MAX: variants seen among roughly 807,000 people sequenced by gnomAD.
MAX encodes protein max.
MAX carries 3 observed loss-of-function variants against 22.3 expected under a neutral mutation model. The ratio of observed to expected loss-of-function variants is 0.13; its 90% CI spans 0.06 to 0.35. The LOEUF (loss-of-function observed/expected upper bound fraction) is 0.35. Among genes scored for constraint, MAX ranks in the 10% least tolerant of loss-of-function variants. The pLI is 1.00. For missense variants in MAX, 119 were observed against 209.4 expected (o/e 0.57, Z 2.66); for synonymous variants, 72 against 77.7 (o/e 0.93, Z 0.39).
Position 65,102,490 on chromosome 14 carries a change from C to T in MAX, c.-151G>A, listed in dbSNP as rs1444608526. On this transcript the variant is annotated 5_prime_UTR_variant, in exon 1 of 5. In the 5' UTR this introduces an upstream ATG that the reference lacks. Coordinates refer to ENST00000358664, the MANE Select transcript of MAX (RefSeq NM_002382.5). ...TCGCTCTCTCACTCACACACACACA[C>T]AACACGGGCAAGAACCACCTCCTCA... 2.7e-6 allele frequency: 4 copies of T among 1,493,906 alleles called. No individual in the cohort carries two copies. The African/African-American group carries it at 4.1e-5, about 15-fold the overall frequency. The allele number at this position is 1,493,906 out of a possible 1,614,324, so 92.5% of individuals were successfully genotyped here. A position where few individuals can be genotyped will look rare whatever the true frequency, so the allele number is the denominator to read the frequency against.
intron 3 of MAX, among the ~76,000 whole-genome samples, chr14:65,068,022 CA>C (rs1466494147): frequency 6.6e-6 from 1 of 152,128 alleles, no homozygotes; most frequent in Non-Finnish European, 1.5e-5. Context: ...CCTGCTTCAT[CA>C]TGTTTATGCT....
chr14:65,075,808 C>T lies in MAX; in HGVS notation c.*668G>A, dbSNP rs2139733116. On this transcript the variant is annotated 3_prime_UTR_variant, in exon 5 of 5. Transcript: ENST00000358664. This position sits in a 1 kb window ranked among gnomAD's most constrained non-coding sequence, Gnocchi z 4.1. ...GTCACACGGCCCTCCGTGAGGCTGG[C>T]GCCGCAGGCTTAAACAGCTGGCTGA... 2 of 1,066,520 alleles carry T rather than the reference C, an allele frequency of 1.9e-6. No individual in the cohort carries two copies. Among genetic ancestry groups the T allele is most frequent in the Non-Finnish European group, 2.3e-6 (2 of 880,004 alleles). The allele number at this position is 1,066,520 out of a possible 1,614,324, so 66.1% of individuals were successfully genotyped here.
chr14:65,052,508 C>T (rs533946080), intron 3 of MAX, among the ~76,000 whole-genome samples: 42 of 152,318 alleles, frequency 2.8e-4, no homozygotes, highest in Admixed American at 7.2e-4. Context: ...TGTTTCTGCA[C>T]ACCTGTCCGT....
At chr14:65,037,402 C>CTTTTTTTTTTT (rs765037575) in intron 3 of MAX, among the ~76,000 whole-genome samples, 32 of 14,522 alleles carry the variant, frequency 2.2e-3, no homozygotes, top group Non-Finnish European at 3.2e-3. Flanking sequence ...CACGCCGGGC[C>CTTTTTTTTTTT]CTTTTTTTTT....
At chr14:65,059,304 G>A (rs10146165) in intron 3 of MAX, among the ~76,000 whole-genome samples, 34,720 of 151,216 alleles carry the variant, frequency 0.23, 7,257 homozygotes, top group African/African-American at 0.56. Context: ...ATAGGTGTGA[G>A]CCATTGTACC....
At chr14:65,038,817 T>TTCTAA (rs1428529446) in intron 3 of MAX, among the ~76,000 whole-genome samples, 1 of 152,246 alleles carries the variant, frequency 6.6e-6, no homozygotes, top group Non-Finnish European at 1.5e-5. Context: ...AGTATTTATC[T>TTCTAA]TCTAATCCTC....
chr14:65,077,754 C>A lies in MAX; in HGVS notation c.295+159G>T. 2 of 1,611,236 alleles carry A rather than the reference C, an allele frequency of 1.2e-6. No homozygotes were observed. Among genetic ancestry groups the A allele is most frequent in the Non-Finnish European group, 1.7e-6 (2 of 1,179,140 alleles). The stretch of plus-strand genomic sequence containing the variant: ...TGGCGCCTCAGGTCCTTCCTCAGGA[C>A]GGCTCTAACACTCAGTTACTCAGGC... On this transcript the variant is annotated intron_variant, in intron 4 of 4. Transcript: ENST00000358664. The surrounding 1 kb of genome is among the most constrained non-coding windows in gnomAD (Gnocchi z 6.3).
downstream of MAX, among the ~76,000 whole-genome samples, chr14:65,073,760 C>G (rs2063012153): frequency 6.6e-6 from 1 of 152,182 alleles, no homozygotes; most frequent in South Asian, 2.1e-4. Flanking sequence ...TTCAGCTGAG[C>G]AGTTTCCAGG....
In MAX at chr14:65,089,718, A is replaced by G. The variant is rs1366767188; in HGVS notation, c.171+3990T>C. 2.9e-5 allele frequency among the ~76,000 whole-genome samples: 4 copies of G among 139,012 alleles called. No individual in the cohort carries two copies. In the East Asian group the frequency reaches 8.8e-4, roughly 31 times the overall value. 91.2% of individuals were successfully genotyped at this position (139,012 alleles called of 152,430 possible). On this transcript the variant is annotated intron_variant, in intron 3 of 4. Coordinates refer to ENST00000358664, the MANE Select transcript of MAX (RefSeq NM_002382.5). ...AACACTCCCTAGTACCCAAGCAAGG[A>G]CACTTAAATAATACTTTCTATAAAA...
chr14:65,087,631 G>A (rs542989613), intron 3 of MAX, among the ~76,000 whole-genome samples: 3 of 152,280 alleles, frequency 2.0e-5, no homozygotes, highest in Non-Finnish European at 4.4e-5. Flanking sequence ...TTTATCCAAT[G>A]CCTGTACCCC....
At chr14:65,063,530 T>C (rs2062899406) in intron 3 of MAX, among the ~76,000 whole-genome samples, 1 of 152,092 alleles carries the variant, frequency 6.6e-6, no homozygotes, top group African/African-American at 2.4e-5. Context: ...TCCAGAGGGT[T>C]TCCTGACAGC....
At chr14:65,046,723 T>A (rs1429171752) in intron 3 of MAX, among the ~76,000 whole-genome samples, 1 of 152,054 alleles carries the variant, frequency 6.6e-6, no homozygotes, top group East Asian at 1.9e-4. Flanking sequence ...GGGGATGCAG[T>A]GTAGAAAGAT....
chr14:65,075,747 T>C lies in MAX; in HGVS notation c.*729A>G, dbSNP rs985876075. ...ATGGCCACTCCCTGGTGGCTGCTGC[T>C]TCACTGCTGCCATCTCCCATACATA... On this transcript the variant is annotated 3_prime_UTR_variant, in exon 5 of 5. Coordinates refer to ENST00000358664, the MANE Select transcript of MAX (RefSeq NM_002382.5). This position sits in a 1 kb window ranked among gnomAD's most constrained non-coding sequence, Gnocchi z 4.1. The C allele has an allele frequency of 2.8e-6, 3 of 1,066,230 alleles. No individual in the cohort carries two copies. In the African/African-American group the frequency reaches 4.9e-5, roughly 17 times the overall value. The allele number at this position is 1,066,230 out of a possible 1,614,324, so 66.0% of individuals were successfully genotyped here. A position where few individuals can be genotyped will look rare whatever the true frequency, so the allele number is the denominator to read the frequency against.
chr14:65,032,368 T>G lies in MAX; in HGVS notation c.172-26084A>C. The G allele has an allele frequency of 2.5e-6, 1 of 401,458 alleles. No individual in the cohort carries two copies. The allele number at this position is 401,458 out of a possible 1,614,324, so 24.9% of individuals were successfully genotyped here. A position where few individuals can be genotyped will look rare whatever the true frequency, so the allele number is the denominator to read the frequency against. The stretch of plus-strand genomic sequence containing the variant: ...ATTTCCTCTGATGTAGATTGGACCA[T>G]GTGGAGGTAGGGAGAATAGAATGTC... On this transcript the variant is annotated intron_variant, in intron 3 of 3. Coordinates refer to the MAX transcript ENST00000341653. This position sits in a 1 kb window ranked among gnomAD's most constrained non-coding sequence, Gnocchi z 5.0.
intron 3 of MAX, among the ~76,000 whole-genome samples, chr14:65,013,747 C>T (rs1268495124): frequency 6.6e-6 from 1 of 152,144 alleles, no homozygotes; most frequent in Non-Finnish European, 1.5e-5. Flanking sequence ...AGGGTTTCAC[C>T]ATATTGGCCA....
rs557019469 is a variant in MAX, at chr14:65,015,220, G to A, written c.172-8936C>T. On this transcript the variant is annotated intron_variant, in intron 3 of 3. Coordinates refer to the MAX transcript ENST00000341653. ...CGGGTTCAAGTGATTCTCCTGCTTC[G>A]GCCTCCCAAGTCGCTGGGATTACAG... Among the ~76,000 whole-genome samples the A allele has an allele frequency of 4.2e-4, 63 of 150,740 alleles. 1 individual carries two copies. Among genetic ancestry groups the A allele is most frequent in the African/African-American group, 1.3e-3 (54 of 41,092 alleles).
intron 3 of MAX, among the ~76,000 whole-genome samples, chr14:65,059,143 C>T (rs1288901621): frequency 6.6e-6 from 1 of 152,122 alleles, no homozygotes; most frequent in Admixed American, 6.5e-5. Flanking sequence ...CTGCCTTAGC[C>T]TCCCAAGTAG....
In MAX at chr14:65,077,940, G is replaced by A. The variant is rs1060500099; in HGVS notation, c.268C>T (p.Arg90Trp). 1.2e-6 allele frequency: 2 copies of A among 1,614,196 alleles called. No individual in the cohort carries two copies. Among genetic ancestry groups the A allele is most frequent in the Middle Eastern group, 1.6e-4 (1 of 6,062 alleles). The stretch of plus-strand genomic sequence containing the variant: ...TGCTGCTCCAGAAGAGCATTCTGCC[G>A]CTTGAGGTCGTCAATATCTTGCTGG... ...THQQDIDDLK[R>W]QNALLEQQVR... Residue 90 changes from arginine to tryptophan, a missense_variant, in exon 4 of 5, where the codon CGG becomes TGG. By Grantham distance (101) the Arg-to-Trp change is moderately radical. Coordinates refer to ENST00000358664, the MANE Select transcript of MAX (RefSeq NM_002382.5). This position sits in a 1 kb window ranked among gnomAD's most constrained non-coding sequence, Gnocchi z 6.3.
intron 3 of MAX, among the ~76,000 whole-genome samples, chr14:65,036,299 T>C (rs2062192029): frequency 6.6e-6 from 1 of 152,032 alleles, no homozygotes; most frequent in Non-Finnish European, 1.5e-5. Flanking sequence ...TGCAGTGGCG[T>C]GATCTTGGCT....
Sources: allele counts gnomAD v4.1 joint callset (sites outside exome capture counted in the v4.1 genomes callset), GRCh38; gene constraint gnomAD v4.1.1; non-coding constraint Gnocchi (gnomAD v3.1); transcripts MANE v1.5; gene names NCBI Gene and HGNC (gene_info 2026-07-23, HGNC 2026-07-21).